Variants in ZNF423 observed in about 807,000 individuals in gnomAD.
The protein encoded by ZNF423 is Ebf-associated zinc finger protein.
ZNF423 carries 12 observed loss-of-function variants against 95.8 expected under a neutral mutation model. That is an observed-to-expected ratio of 0.13 (90% CI 0.08 to 0.20). The LOEUF (loss-of-function observed/expected upper bound fraction) is 0.20. Among genes scored for constraint, ZNF423 ranks in the 10% least tolerant of loss-of-function variants. ZNF423 has a pLI of 1.00. For missense variants in ZNF423, 1,316 were observed against 1,737.1 expected (o/e 0.76, Z 4.31); for synonymous variants, 749 against 711.9 (o/e 1.05, Z -0.83).
intron 1 of ZNF423, among the ~76,000 whole-genome samples, chr16:49,821,584 AAGG>A: frequency 6.6e-6 from 1 of 152,280 alleles, no homozygotes; most frequent in East Asian, 1.9e-4. Flanking sequence ...GTCTCACTCT[AAGG>A]CCTTCAGGGG....
intron 1 of ZNF423, among the ~76,000 whole-genome samples, chr16:49,825,557 G>A (rs2034996535): frequency 6.6e-6 from 1 of 151,646 alleles, no homozygotes; most frequent in Admixed American, 6.6e-5. Flanking sequence ...AAATAAAGTT[G>A]AAAGAAACAA....
At chr16:49,811,391 C>T (rs1261075243) in intron 1 of ZNF423, among the ~76,000 whole-genome samples, 3 of 152,080 alleles carry the variant, frequency 2.0e-5, no homozygotes, top group Non-Finnish European at 4.4e-5. Context: ...CAGAAATAAA[C>T]ACTGGGGGTG....
In ZNF423 at chr16:49,637,070, G is replaced by A. The variant is rs760404444; in HGVS notation, c.2106C>T (p.Cys702=). The A allele has an allele frequency of 1.2e-4, 192 of 1,613,654 alleles. No individual in the cohort carries two copies. Among genetic ancestry groups the A allele is most frequent in the Non-Finnish European group, 1.5e-4 (175 of 1,180,026 alleles). ...HYMTTSTHYV[C]ESCDKQFSSV... ...AGGAAAATTGCTTGTCGCAGCTCTC[G>A]CACACATAGTGGGTCGACGTGGTCA... The change falls in exon 4 of 8, where the codon TGC becomes TGT. Residue 702 remains cysteine (C), a synonymous_variant. Transcript: ENST00000563137. The surrounding 1 kb of genome is among the most constrained non-coding windows in gnomAD (Gnocchi z 5.6).
At chr16:49,820,991 T>A (rs1430363954) in intron 1 of ZNF423, among the ~76,000 whole-genome samples, 1 of 152,210 alleles carries the variant, frequency 6.6e-6, no homozygotes, top group East Asian at 1.9e-4. Flanking sequence ...CTCTAACTGC[T>A]CCACGCATTT....
Position 49,638,714 on chromosome 16 carries a change from G to T in ZNF423, c.462C>A (p.Ser154=), listed in dbSNP as rs1468102864. 6.2e-7 allele frequency: 1 copy of T among 1,614,200 alleles called. No individual in the cohort carries two copies. Among genetic ancestry groups the T allele is most frequent in the Admixed American group, 1.7e-5 (1 of 60,028 alleles). The change falls in exon 4 of 8, where the codon TCC becomes TCA. Residue 154 remains serine, a synonymous_variant. Transcript: ENST00000563137. This position sits in a 1 kb window ranked among gnomAD's most constrained non-coding sequence, Gnocchi z 5.6. The part of the protein sequence containing the change: ...LPYPCQFCDK[S]FIRLSYLKRH... The stretch of plus-strand genomic sequence containing the variant: ...TCTTCAAGTAGCTCAAGCGGATGAA[G>T]GACTTGTCGCAGAACTGGCAAGGGT...
chr16:49,581,296 C>T (rs1970668155), intron 5 of ZNF423, among the ~76,000 whole-genome samples: 1 of 152,186 alleles, frequency 6.6e-6, no homozygotes, highest in Admixed American at 6.5e-5. Context: ...TATGTGCTAT[C>T]CGAGGTAAAC....
At chr16:49,664,656 G>A (rs535669778) in intron 3 of ZNF423, among the ~76,000 whole-genome samples, 60 of 151,662 alleles carry the variant, frequency 4.0e-4, no homozygotes, top group Admixed American at 6.5e-4. Context: ...CGGCCCCTGG[G>A]AGGCCCCTGG....
At chr16:49,748,432 A>G (rs1000436024) in intron 2 of ZNF423, among the ~76,000 whole-genome samples, 50 of 152,160 alleles carry the variant, frequency 3.3e-4, no homozygotes, top group Non-Finnish European at 7.4e-5. Flanking sequence ...CTGGAAAACC[A>G]CCTTCGGGGA....
chr16:49,727,346 G>T (rs2033049077), intron 3 of ZNF423, among the ~76,000 whole-genome samples: 1 of 152,110 alleles, frequency 6.6e-6, no homozygotes, highest in South Asian at 2.1e-4. Flanking sequence ...GGACGGGGGG[G>T]TCTTCCATCG....
At chr16:49,527,174 A>G (rs1968645768) in intron 5 of ZNF423, among the ~76,000 whole-genome samples, 1 of 151,906 alleles carries the variant, frequency 6.6e-6, no homozygotes, top group Non-Finnish European at 1.5e-5. Flanking sequence ...AGGCGCACAC[A>G]CACACGTGCA....
At chr16:49,760,460 G>A (rs1041612555) in intron 2 of ZNF423, among the ~76,000 whole-genome samples, 4 of 152,090 alleles carry the variant, frequency 2.6e-5, no homozygotes, top group Non-Finnish European at 4.4e-5. Context: ...TACTTGCCAC[G>A]GACCCATCAG....
At chr16:49,686,839 C>T (rs1193837827) in intron 3 of ZNF423, among the ~76,000 whole-genome samples, 3 of 152,142 alleles carry the variant, frequency 2.0e-5, no homozygotes, top group Non-Finnish European at 4.4e-5. Flanking sequence ...AGCCTGTACC[C>T]ATGCTTCCTC....
At chr16:49,598,676 C>A (rs1971260304) in intron 5 of ZNF423, among the ~76,000 whole-genome samples, 1 of 152,248 alleles carries the variant, frequency 6.6e-6, no homozygotes, top group Non-Finnish European at 1.5e-5. Flanking sequence ...CCTGGCCCTG[C>A]AATCCTGGCT....
intron 4 of ZNF423, among the ~76,000 whole-genome samples, chr16:49,630,226 C>G (rs1972452071): frequency 1.3e-5 from 2 of 152,242 alleles, no homozygotes; most frequent in African/African-American, 4.8e-5. Flanking sequence ...GACTACAGGG[C>G]CTGAGGTCTT....
chr16:49,577,101 C>G (rs914051225), intron 5 of ZNF423, among the ~76,000 whole-genome samples: 1 of 152,138 alleles, frequency 6.6e-6, no homozygotes, highest in Non-Finnish European at 1.5e-5. Context: ...GTCCAACCAC[C>G]CAGGGCAGAC....
intron 5 of ZNF423, among the ~76,000 whole-genome samples, chr16:49,533,111 T>C (rs767789933): frequency 4.6e-5 from 7 of 152,188 alleles, no homozygotes; most frequent in Non-Finnish European, 1.0e-4. Flanking sequence ...GGACGGCCTC[T>C]GCGATCTGCC....
At chr16:49,853,519 A>G (rs910879226) in intron 1 of ZNF423, among the ~76,000 whole-genome samples, 3 of 152,030 alleles carry the variant, frequency 2.0e-5, no homozygotes, top group African/African-American at 7.3e-5. Flanking sequence ...GGGGTCTCTG[A>G]CTCTGCGGAC....
intron 1 of ZNF423, among the ~76,000 whole-genome samples, chr16:49,818,986 G>T (rs943248010): frequency 6.6e-6 from 1 of 152,122 alleles, no homozygotes; most frequent in African/African-American, 2.4e-5. Flanking sequence ...GGGTGCAGTG[G>T]CTCATGCCTG....
chr16:49,795,526 C>A (rs866895947), intron 1 of ZNF423, among the ~76,000 whole-genome samples: 1 of 152,230 alleles, frequency 6.6e-6, no homozygotes, highest in Non-Finnish European at 1.5e-5. Flanking sequence ...GAATCATCAT[C>A]GCTCATCAGA....
Sources: allele counts gnomAD v4.1 joint callset (sites outside exome capture counted in the v4.1 genomes callset), GRCh38; gene constraint gnomAD v4.1.1; non-coding constraint Gnocchi (gnomAD v3.1); transcripts MANE v1.5; gene names NCBI Gene and HGNC (gene_info 2026-07-23, HGNC 2026-07-21).